The following TRNAU1AP variants were observed in gnomAD, a reference collection of about 807,000 sequenced individuals.
TRNAU1AP encodes the protein tRNA selenocysteine 1-associated protein 1.
Under a neutral mutation model 43.3 loss-of-function variants are expected in TRNAU1AP, and 33 were observed. That is an observed-to-expected ratio of 0.76 (90% CI 0.58 to 1.02). The LOEUF (loss-of-function observed/expected upper bound fraction) is 1.02, where lower values mean the gene tolerates loss of function less well. Among genes scored for constraint, TRNAU1AP ranks in the 50% least tolerant of loss-of-function variants. The pLI is 0.00. For missense variants in TRNAU1AP, 290 were observed against 362.7 expected (o/e 0.80, Z 1.63); for synonymous variants, 143 against 129.1 (o/e 1.11, Z -0.73).
chr1:28,570,009 C>CA (rs935049654), intron 6 of TRNAU1AP, among the ~76,000 whole-genome samples: 3 of 150,380 alleles, frequency 2.0e-5, no homozygotes, highest in South Asian at 2.1e-4. Context: ...AAAACAACAA[C>CA]AAAAAAAACG....
intron 8 of TRNAU1AP, among the ~76,000 whole-genome samples, chr1:28,573,359 A>G (rs1203196841): frequency 6.7e-6 from 1 of 149,304 alleles, no homozygotes; most frequent in African/African-American, 2.4e-5. Context: ...AAAATATTTA[A>G]GCCTTGCACG....
intron 1 of TRNAU1AP, 114 bp downstream of exon 1, chr1:28,553,251 C>A: frequency 8.4e-7 from 1 of 1,195,868 alleles, no homozygotes; most frequent in Non-Finnish European, 1.1e-6. Context: ...AGACGTGTGA[C>A]GGGGGTTCTT....
rs1213868791 is a variant in TRNAU1AP at position 28,577,684 on chromosome 1, ACTC to A, written c.*51_*53del. 1 of 1,543,620 alleles carries A rather than the reference ACTC, an allele frequency of 6.5e-7. No individual in the cohort carries two copies. Among genetic ancestry groups the A allele is most frequent in the Non-Finnish European group, 8.7e-7 (1 of 1,145,030 alleles). Reference sequence around the variant, plus strand: ...TTGCATGATGTGAGGGAGATGAGAGACTCCTTTTTAAAAATTGTGAAACCTTTT... The same window carrying A: ...TTGCATGATGTGAGGGAGATGAGAGACTTTTTAAAAATTGTGAAACCTTTT... On this transcript the variant is annotated 3_prime_UTR_variant, in exon 9 of 9. Transcript: ENST00000373830.
At chr1:28,571,786 A>AAAAAAAAAAAAAAATAAAATAAAAT in intron 7 of TRNAU1AP, 81 bp from the exon 8 acceptor site, 1 of 1,008,578 alleles carries the variant, frequency 9.9e-7, no homozygotes, top group Non-Finnish European at 1.5e-6. Context: ...CCACCTCAAA[A>AAAAAAAAAAAAAAATAAAATAAAAT]AAAATAAAAA....
intron 4 of TRNAU1AP, among the ~76,000 whole-genome samples, chr1:28,562,159 T>G (rs981685752): frequency 6.6e-6 from 1 of 152,230 alleles, no homozygotes; most frequent in East Asian, 1.9e-4. Context: ...TTGAAAGCAT[T>G]AAAACGGTGT....
rs771292177 is a variant in TRNAU1AP at position 28,567,277 on chromosome 1, A to T, written c.411-17A>T. The T allele has an allele frequency of 6.2e-7, 1 of 1,610,788 alleles. No individual in the cohort carries two copies. The highest frequency in any genetic ancestry group is 2.2e-5 in the East Asian group (1 of 44,824). ...TAATCACATTTGTGATCTAAATTGT[A>T]TATTTTTTTCATGCAGGGGTTATGG... On this transcript the variant is annotated splice_polypyrimidine_tract_variant and intron_variant, in intron 5 of 8. Coordinates refer to ENST00000373830, the MANE Select transcript of TRNAU1AP (RefSeq NM_017846.5).
chr1:28,560,501 C>T, intron 2 of TRNAU1AP, 132 bp from the exon 3 acceptor site: 1 of 665,816 alleles, frequency 1.5e-6, no homozygotes, highest in African/African-American at 1.8e-5. Context: ...AGGCTGGTCT[C>T]CTGACCTTCA....
chr1:28,554,215 A>AAAAC (rs1665201525), intron 2 of TRNAU1AP, among the ~76,000 whole-genome samples: 1 of 146,446 alleles, frequency 6.8e-6, no homozygotes, highest in African/African-American at 2.7e-5. Context: ...AAAAAAAACA[A>AAAAC]AAAAACAAAA....
chr1:28,567,389 G>A lies in TRNAU1AP; in HGVS notation c.506G>A (p.Arg169Gln), dbSNP rs752386270. ...GTGGGACTGGGGTCTAAGCCTGTGC[G>A]GCTGAGCGTGGCAATCCCTAAAGCG... Reference protein sequence around the residue: ...GAVGLGSKPVRLSVAIPKASR... With the variant: ...GAVGLGSKPVQLSVAIPKASR... Residue 169 changes from arginine (R) to glutamine (Q), a missense_variant, in exon 6 of 9, where the codon CGG (arginine) becomes CAG (glutamine). By Grantham distance (43) the Arg-to-Gln change is conservative. Around this residue, in one of 3 missense-constraint regions of TRNAU1AP, gnomAD observed 174 missense variants for 262.1 expected, o/e 0.66. Coordinates refer to ENST00000373830, the MANE Select transcript of TRNAU1AP (RefSeq NM_017846.5). The A allele has an allele frequency of 3.1e-6, 5 of 1,610,402 alleles. No homozygotes were observed. Among genetic ancestry groups the A allele is most frequent in the South Asian group, 1.1e-5 (1 of 90,226 alleles).
At chr1:28,553,824 T>C in intron 2 of TRNAU1AP, 87 bp downstream of exon 2, 1 of 1,136,750 alleles carries the variant, frequency 8.8e-7, no homozygotes, top group Non-Finnish European at 1.3e-6. Context: ...GGCTTCTCAC[T>C]ACCCCTAGTA....
At chr1:28,576,744 C>T (rs1185001265) in intron 8 of TRNAU1AP, among the ~76,000 whole-genome samples, 1 of 152,196 alleles carries the variant, frequency 6.6e-6, no homozygotes, top group Non-Finnish European at 1.5e-5. Context: ...GGATTATAGG[C>T]ATGTGCCACC....
intron 7 of TRNAU1AP, 81 bp from the exon 8 acceptor site, chr1:28,571,786 A>AAAAAAAAAAAT: frequency 2.0e-6 from 2 of 1,008,548 alleles, no homozygotes; most frequent in Non-Finnish European, 2.9e-6. Flanking sequence ...CCACCTCAAA[A>AAAAAAAAAAAT]AAAATAAAAA....
Position 28,571,281 on chromosome 1 carries a change from C to A in TRNAU1AP, c.636C>A (p.Asn212Lys). 1 of 1,614,030 alleles carries A rather than the reference C, an allele frequency of 6.2e-7. No individual in the cohort carries two copies. The highest frequency in any genetic ancestry group is 8.5e-7 in the Non-Finnish European group (1 of 1,179,950). ...NYYAQWGYDQNTGSYSYSYPQ... is the reference protein window; with the variant it reads ...NYYAQWGYDQKTGSYSYSYPQ... ...ATGCTCAGTGGGGCTATGACCAGAA[C>A]ACAGGCAGCTACAGCTACAGTTACC... Residue 212 changes from asparagine to lysine, a missense_variant, in exon 7 of 9, where the codon AAC becomes AAA. This residue lies in a region of TRNAU1AP where 174 missense variants were observed against 262.1 expected (regional missense o/e 0.66). Coordinates refer to ENST00000373830, the MANE Select transcript of TRNAU1AP (RefSeq NM_017846.5).
rs371108139 is a variant in TRNAU1AP, at chr1:28,553,618, C to T, written c.28-22C>T. ...GAAGCCCGGCCGCCGGCCTGAGCCG[C>T]TGTGCTCTTGTTTTTACGCAGCTGG... On this transcript the variant is annotated intron_variant, in intron 1 of 8. Transcript: ENST00000373830. 4.2e-5 allele frequency: 67 copies of T among 1,611,994 alleles called. 1 individual carries two copies. The South Asian group carries it at 6.5e-4, about 16-fold the overall frequency.
chr1:28,568,764 C>T (rs113820193), intron 6 of TRNAU1AP, among the ~76,000 whole-genome samples: 1 of 151,568 alleles, frequency 6.6e-6, no homozygotes, highest in Non-Finnish European at 1.5e-5. Flanking sequence ...CACCCCTCCA[C>T]GTCAATAGAT....
At chr1:28,558,638 C>T (rs1400525822) in intron 2 of TRNAU1AP, among the ~76,000 whole-genome samples, 1 of 148,124 alleles carries the variant, frequency 6.8e-6, no homozygotes, top group Non-Finnish European at 1.5e-5. Flanking sequence ...GATGTCTGCT[C>T]ACTGCAAGCT....
intron 2 of TRNAU1AP, among the ~76,000 whole-genome samples, 200 bp from the exon 3 acceptor site, chr1:28,560,433 C>T (rs574444209): frequency 2.6e-5 from 4 of 152,146 alleles, no homozygotes; most frequent in African/African-American, 9.6e-5. Context: ...AGGTGTGCGC[C>T]GCCATGCCCA....
At chr1:28,574,249 G>A (rs1019976936) in intron 8 of TRNAU1AP, among the ~76,000 whole-genome samples, 4 of 151,804 alleles carry the variant, frequency 2.6e-5, no homozygotes, top group Middle Eastern at 3.4e-3. Flanking sequence ...CACCACGCTC[G>A]GCTAATTTTT....
chr1:28,576,260 C>T (rs989837608), intron 8 of TRNAU1AP, among the ~76,000 whole-genome samples: 3 of 149,308 alleles, frequency 2.0e-5, no homozygotes, highest in Non-Finnish European at 4.5e-5. Flanking sequence ...CTCAAGTGAT[C>T]CTCCTGCCTC....
Sources: gnomAD v4.1 joint callset for allele counts (sites outside exome capture counted in the v4.1 genomes callset) on GRCh38, gnomAD v4.1.1 for gene constraint, gnomAD v4.1.1 regional missense constraint, MANE v1.5 for transcripts, NCBI Gene and HGNC (gene_info 2026-07-23, HGNC 2026-07-21) for gene names.